Variants in NLRC4 observed in about 807,000 individuals in gnomAD.
NLRC4 encodes NLR family CARD domain containing 4.
In NLRC4, 63 loss-of-function variants were observed where a neutral mutation model predicts 79.9. The observed-to-expected ratio is 0.79, with a 90% CI of 0.64 to 0.97. The LOEUF (loss-of-function observed/expected upper bound fraction) is 0.97. Ranked by LOEUF, NLRC4 falls within the 50% of genes least tolerant of loss-of-function variation. The pLI, the probability that NLRC4 is intolerant of heterozygous loss-of-function variation, is 0.00. For synonymous variants in NLRC4, 461 were observed against 456.5 expected (o/e 1.01, Z -0.12); for missense variants, 1,074 against 1,215.2 (o/e 0.88, Z 1.73).
intron 1 of NLRC4, among the ~76,000 whole-genome samples, chr2:32,261,316 C>CCCTTTTTT: frequency 1.9e-4 from 18 of 96,914 alleles, no homozygotes; most frequent in Admixed American, 6.0e-4. Context: ...AGCCTCCCCC[C>CCCTTTTTT]TTTTGTTTTT....
intron 3 of NLRC4, among the ~76,000 whole-genome samples, 169 bp downstream of exon 3, chr2:32,252,247 TCTA>T (rs972649562): frequency 6.6e-6 from 1 of 152,240 alleles, no homozygotes; most frequent in African/African-American, 2.4e-5. Flanking sequence ...CATCAATTGA[TCTA>T]CTATGAGTTT....
intron 8 of NLRC4, among the ~76,000 whole-genome samples, chr2:32,231,577 G>T (rs1343976589): frequency 1.7e-5 from 2 of 115,196 alleles, no homozygotes; most frequent in African/African-American, 6.4e-5. Context: ...TTTTTTGTGG[G>T]GGGGGGGTGG....
intron 1 of NLRC4, among the ~76,000 whole-genome samples, chr2:32,262,066 C>G (rs113682527): frequency 4.6e-5 from 7 of 151,650 alleles, no homozygotes; most frequent in Non-Finnish European, 1.0e-4. Context: ...GGTGACAGAG[C>G]GAGACTCTGG....
intron 8 of NLRC4, among the ~76,000 whole-genome samples, chr2:32,225,409 ATGTGTG>A (rs35323064): frequency 0.026 from 3,840 of 149,146 alleles, 55 homozygotes; most frequent in Middle Eastern, 0.045. Flanking sequence ...CATACAAAGG[ATGTGTG>A]TGTGTGTGTG....
At position 32,250,117 on chromosome 2, in the gene NLRC4, T is replaced by G. The variant is rs1169672846; in HGVS notation, c.1747A>C (p.Ser583Arg). 6.2e-7 allele frequency: 1 copy of G among 1,614,156 alleles called. No homozygotes were observed. The highest frequency in any genetic ancestry group is 2.2e-5 in the East Asian group (1 of 44,892). Residue 583 changes from serine (S) to arginine (R), a missense_variant, in exon 4 of 9, where the codon AGC becomes CGC. Coordinates refer to ENST00000402280, the MANE Select transcript of NLRC4 (RefSeq NM_001199138.2). The surrounding 1 kb of genome is among the most constrained non-coding windows in gnomAD (Gnocchi z 4.9). ...ATGTTCCCTGAGTTGATATATAAGC[T>G]TTTACCTTGAAAGAAAGCTTCAAAT... ...QEFEAFFQGK[S>R]LYINSGNIPD...
At chr2:32,244,881 A>G (rs1373105286) in intron 4 of NLRC4, among the ~76,000 whole-genome samples, 3 of 151,170 alleles carry the variant, frequency 2.0e-5, no homozygotes, top group Admixed American at 2.0e-4. Context: ...GGGAAGGGAG[A>G]GGAAGAAGGA....
At chr2:32,261,981 T>TGAGGCAGGAGAATCACTTGAACCAGG (rs1393009726) in intron 1 of NLRC4, among the ~76,000 whole-genome samples, 3 of 151,936 alleles carry the variant, frequency 2.0e-5, no homozygotes, top group Admixed American at 2.0e-4. Context: ...CTCGGGAGGC[T>TGAGGCAGGAGAATCACTTGAACCAGG]GAGGCAGGAG....
intron 8 of NLRC4, among the ~76,000 whole-genome samples, chr2:32,233,349 A>ATATATT (rs1418146489): frequency 1.5e-3 from 62 of 41,078 alleles, no homozygotes; most frequent in African/African-American, 3.6e-3. Context: ...ATATATATAT[A>ATATATT]TTTTTTTTTT....
chr2:32,231,580 G>GT (rs1553342729), intron 8 of NLRC4, among the ~76,000 whole-genome samples: 6 of 106,580 alleles, frequency 5.6e-5, no homozygotes, highest in Admixed American at 4.0e-4. Context: ...TTTGTGGGGG[G>GT]GGGGTGGGGG....
At position 32,250,407 on chromosome 2, in the gene NLRC4, G is replaced by A; in HGVS notation, c.1457C>T (p.Thr486Ile). 1 of 1,614,218 alleles carries A rather than the reference G, an allele frequency of 6.2e-7. No homozygotes were observed. The highest frequency in any genetic ancestry group is 8.5e-7 in the Non-Finnish European group (1 of 1,180,046). Residue 486 changes from threonine to isoleucine, a missense_variant, in exon 4 of 9, where the codon ACT becomes ATT. Coordinates refer to ENST00000402280, the MANE Select transcript of NLRC4 (RefSeq NM_001199138.2). The surrounding 1 kb of genome is among the most constrained non-coding windows in gnomAD (Gnocchi z 4.9). ...KMVSISDITS[T>I]YSSLLRYTCG... ...GGTGTACCGGAGCAGGCTGCTATAAGTGGATGTAATGTCCGAAATGGAAAC... is the reference window on the plus strand; with the variant it reads ...GGTGTACCGGAGCAGGCTGCTATAAATGGATGTAATGTCCGAAATGGAAAC...
chr2:32,261,316 C>CCTTTTTTTTTTTTTTT, intron 1 of NLRC4, among the ~76,000 whole-genome samples: 6 of 96,882 alleles, frequency 6.2e-5, no homozygotes, highest in African/African-American at 1.7e-4. Context: ...AGCCTCCCCC[C>CCTTTTTTTTTTTTTTT]TTTTGTTTTT....
At chr2:32,242,315 A>C (rs1686824537) in intron 4 of NLRC4, among the ~76,000 whole-genome samples, 1 of 152,246 alleles carries the variant, frequency 6.6e-6, no homozygotes, top group Admixed American at 6.5e-5. Context: ...AATATCAGAA[A>C]CAAAAAAGGG....
chr2:32,241,002 A>G (rs1686786716), intron 5 of NLRC4, 31 bp downstream of exon 5: 1 of 1,331,730 alleles, frequency 7.5e-7, no homozygotes. Context: ...TCAAACTTAC[A>G]TTGATACAAA....
intron 4 of NLRC4, among the ~76,000 whole-genome samples, chr2:32,243,645 C>A (rs1686858198): frequency 6.7e-6 from 1 of 149,626 alleles, no homozygotes; most frequent in Non-Finnish European, 1.5e-5. Context: ...ACTAAAAATA[C>A]AAAAATTAGC....
At chr2:32,251,752 T>C (rs985148167) in intron 3 of NLRC4, 151 bp from the exon 4 acceptor site, 5 of 582,772 alleles carry the variant, frequency 8.6e-6, no homozygotes, top group Non-Finnish European at 1.5e-5. Flanking sequence ...CAAAGGGTTC[T>C]GTCTGCTCCC....
rs1278984114 is a variant in NLRC4, at chr2:32,264,433, CAA to C, written c.-119+303_-119+304del. 3.5e-3 allele frequency among the ~76,000 whole-genome samples: 212 copies of C among 60,890 alleles called. 6 individuals carry two copies. In the South Asian group the frequency reaches 0.088, roughly 25 times the overall value. The allele number at this position is 60,890 out of a possible 152,430, so 39.9% of individuals were successfully genotyped here. A position where few individuals can be genotyped will look rare whatever the true frequency, so the allele number is the denominator to read the frequency against. On this transcript the variant is annotated intron_variant, in intron 1 of 8. Transcript: ENST00000402280. The stretch of plus-strand genomic sequence containing the variant: ...TGGGTGACAGAGCAAGACTCTGTCT[CAA>C]AAAAAAAAAAAAAAAAAGAGTGAGT...
chr2:32,225,543 C>T (rs1686367842), intron 8 of NLRC4, among the ~76,000 whole-genome samples: 1 of 151,974 alleles, frequency 6.6e-6, no homozygotes, highest in South Asian at 2.1e-4. Flanking sequence ...GAAAAAATAC[C>T]TTTCTTTCAG....
At chr2:32,239,902 A>G (rs1686756342) in intron 5 of NLRC4, among the ~76,000 whole-genome samples, 1 of 152,216 alleles carries the variant, frequency 6.6e-6, no homozygotes, top group African/African-American at 2.4e-5. Context: ...CATGCAATAA[A>G]TGTTTATTGA....
intron 8 of NLRC4, among the ~76,000 whole-genome samples, chr2:32,232,102 A>G (rs1333747086): frequency 6.6e-6 from 1 of 152,154 alleles, no homozygotes; most frequent in Non-Finnish European, 1.5e-5. Context: ...GGGGAGGAAT[A>G]TCATAGAGGT....
Sources: gnomAD v4.1 joint callset for allele counts (sites outside exome capture counted in the v4.1 genomes callset) on GRCh38, gnomAD v4.1.1 for gene constraint, Gnocchi (gnomAD v3.1) non-coding constraint, MANE v1.5 for transcripts, NCBI Gene and HGNC (gene_info 2026-07-23, HGNC 2026-07-21) for gene names.